Variants in IL31RA observed in about 807,000 individuals in gnomAD.
The protein encoded by IL31RA is interleukin-31 receptor subunit alpha.
In IL31RA, 66 loss-of-function variants were observed where a neutral mutation model predicts 83.7. The observed-to-expected ratio is 0.79, with a 90% CI of 0.65 to 0.97. IL31RA has a LOEUF of 0.97. Ranked by LOEUF, IL31RA falls within the 50% of genes least tolerant of loss-of-function variation. The probability of loss-of-function intolerance (pLI) is 0.00; values close to 1 mark genes in which losing one functional copy is unlikely to be tolerated. For synonymous variants in IL31RA, 325 were observed against 329.0 expected (o/e 0.99, Z 0.13); for missense variants, 798 against 919.4 (o/e 0.87, Z 1.71).
At position 55,916,913 on chromosome 5, in the gene IL31RA, G is replaced by A. The variant is rs760125178; in HGVS notation, c.2088G>A (p.Pro696=). 6.8e-6 allele frequency: 11 copies of A among 1,613,934 alleles called. No individual in the cohort carries two copies. The highest frequency in any genetic ancestry group is 2.2e-5 in the South Asian group (2 of 91,084). ...AGCTCCCAGTTTCACCTGAGATTCC[G>A]CCCAGAAAATCCCAATACCTACGTT... ...FEELPVSPEI[P]PRKSQYLRSR... The change falls in exon 15 of 15, where the codon CCG becomes CCA. Residue 696 remains proline (P), a synonymous_variant. Transcript: ENST00000652347.
the IL31RA span, among the ~76,000 whole-genome samples, chr5:55,845,304 A>C: frequency 1.3e-5 from 2 of 152,156 alleles, no homozygotes; most frequent in Admixed American, 1.3e-4. Flanking sequence ...TCTTTTAGTG[A>C]GCCTGTGCCT....
rs140524514 is a variant in IL31RA, at chr5:55,908,346, G to A, written c.1436G>A (p.Ser479Asn). 1.6e-4 allele frequency: 252 copies of A among 1,614,184 alleles called. No homozygotes were observed. The East Asian group carries it at 3.0e-3, about 19-fold the overall frequency. ...VTITWKEIPK[S>N]ERKGIICNYT... ...ATCACATGGAAAGAGATTCCCAAGA[G>A]TGAGAGAAAGGGTATCATCTGCAAC... The change falls in exon 11 of 15, where the codon AGT becomes AAT. Residue 479 changes from serine to asparagine, a missense_variant. Transcript: ENST00000652347.
At chr5:55,913,282 G>A (rs911547658) in intron 12 of IL31RA, among the ~76,000 whole-genome samples, 195 bp from the exon 13 acceptor site, 2 of 152,054 alleles carry the variant, frequency 1.3e-5, no homozygotes, top group African/African-American at 4.8e-5. Context: ...AGTAGAGACG[G>A]GGTTTCACTA....
chr5:55,901,388 T>A (rs1013157022), intron 8 of IL31RA, among the ~76,000 whole-genome samples: 1 of 151,750 alleles, frequency 6.6e-6, no homozygotes, highest in South Asian at 2.1e-4. Context: ...GGCTTTGGAG[T>A]CCAGCAGCCC....
chr5:55,914,602 G>A (rs977696897), intron 13 of IL31RA, among the ~76,000 whole-genome samples: 4 of 152,316 alleles, frequency 2.6e-5, no homozygotes, highest in African/African-American at 9.6e-5. Flanking sequence ...ATGGGAGAGA[G>A]GGGAAGATAG....
At chr5:55,875,910 C>G (rs995549253) in intron 4 of IL31RA, among the ~76,000 whole-genome samples, 2 of 152,036 alleles carry the variant, frequency 1.3e-5, no homozygotes, top group Non-Finnish European at 1.5e-5. Context: ...TAATATGTTT[C>G]TAGGACCTGG....
At chr5:55,861,543 A>C (rs1240889514) in intron 2 of IL31RA, among the ~76,000 whole-genome samples, 1 of 152,122 alleles carries the variant, frequency 6.6e-6, no homozygotes, top group Non-Finnish European at 1.5e-5. Flanking sequence ...AACCATCCGT[A>C]CCCCAGGTCC....
the IL31RA span, among the ~76,000 whole-genome samples, chr5:55,840,418 T>C: frequency 6.6e-6 from 1 of 152,310 alleles, no homozygotes; most frequent in Non-Finnish European, 1.5e-5. Flanking sequence ...GCTGCTAAGA[T>C]GAGGTTAGTA....
the IL31RA span, among the ~76,000 whole-genome samples, chr5:55,843,136 G>A: frequency 6.6e-6 from 1 of 152,186 alleles, no homozygotes; most frequent in Non-Finnish European, 1.5e-5. Context: ...GGTCGATGCA[G>A]TTAGGATTTC....
chr5:55,910,449 C>T (rs1368355988), intron 11 of IL31RA, 83 bp from the exon 12 acceptor site: 4 of 1,493,088 alleles, frequency 2.7e-6, no homozygotes, highest in East Asian at 4.5e-5. Context: ...GCACAGGTTC[C>T]AATGCTCTTA....
At chr5:55,871,501 T>C (rs1746504294) in intron 3 of IL31RA, among the ~76,000 whole-genome samples, 2 of 152,030 alleles carry the variant, frequency 1.3e-5, no homozygotes, top group South Asian at 4.2e-4. Context: ...TGTGTATTTG[T>C]TTTCATTAAG....
chr5:55,900,050 C>A lies in IL31RA; in HGVS notation c.987C>A (p.Ser329Arg), dbSNP rs200380685. 1.2e-5 allele frequency: 20 copies of A among 1,614,114 alleles called. No individual in the cohort carries two copies. The highest frequency in any genetic ancestry group is 2.5e-6 in the Non-Finnish European group (3 of 1,179,982). The change falls in exon 8 of 15, where the codon AGC becomes AGA. Residue 329 changes from serine (S) to arginine (R), a missense_variant. Ser to Arg is a moderately radical substitution (Grantham distance 110). Coordinates refer to ENST00000652347, the MANE Select transcript of IL31RA (RefSeq NM_139017.7). Reference protein sequence around the residue: ...QQLELHLGGESFWVSMISYNS... With the variant: ...QQLELHLGGERFWVSMISYNS... ...TTGAACTGCATCTGGGAGGCGAGAG[C>A]TTTTGGGTGTCTATGATTTCTTATA...
intron 1 of IL31RA, among the ~76,000 whole-genome samples, chr5:55,858,944 T>C (rs1745505505): frequency 6.6e-6 from 1 of 152,146 alleles, no homozygotes; most frequent in African/African-American, 2.4e-5. Context: ...GCAGATGCTG[T>C]AGGACACATG....
At chr5:55,850,323 G>A (rs1745021960), upstream of IL31RA, among the ~76,000 whole-genome samples, 1 of 151,956 alleles carries the variant, frequency 6.6e-6, no homozygotes, top group African/African-American at 2.4e-5. Flanking sequence ...CCATTCCTCT[G>A]TTCTGTGCTT....
In IL31RA at chr5:55,899,966, G is replaced by A. The variant is rs1445226614; in HGVS notation, c.903G>A (p.Trp301Ter). 7 of 1,614,176 alleles carry A rather than the reference G, an allele frequency of 4.3e-6. No homozygotes were observed. Among genetic ancestry groups the A allele is most frequent in the South Asian group, 3.3e-5 (3 of 91,080 alleles). ...AGAAAACACTTGGCTACAACATATG[G>A]TACTATCCAGAAAGCAACACTAACC... ...VLEKTLGYNI[W>*]YYPESNTNLT... Residue 301 changes from tryptophan to a stop codon, truncating the protein, a stop_gained, in exon 8 of 15, where the codon TGG becomes TGA. Transcript: ENST00000652347. LOFTEE classifies it high-confidence loss of function.
chr5:55,858,511 A>G (rs773439280), intron 1 of IL31RA, among the ~76,000 whole-genome samples: 3 of 152,230 alleles, frequency 2.0e-5, no homozygotes, highest in East Asian at 1.9e-4. Context: ...GGCAGTTCCA[A>G]TTCGCTAAGG....
chr5:55,842,832 AT>A, the IL31RA span, among the ~76,000 whole-genome samples: 1 of 152,114 alleles, frequency 6.6e-6, no homozygotes, highest in South Asian at 2.1e-4. Context: ...CATGGATTGA[AT>A]TTCTTCCCTT....
At chr5:55,887,834 G>A (rs10805486) in intron 5 of IL31RA, among the ~76,000 whole-genome samples, 68,979 of 151,096 alleles carry the variant, frequency 0.46, 16,085 homozygotes, top group South Asian at 0.54. Flanking sequence ...GCAGTGAGCC[G>A]AGATCGCCAC....
chr5:55,915,074 A>G, intron 14 of IL31RA, 146 bp downstream of exon 14: 1 of 713,220 alleles, frequency 1.4e-6, no homozygotes. Flanking sequence ...AATGGCAGGC[A>G]GGGCAGATGG....
Sources: allele counts gnomAD v4.1 joint callset (sites outside exome capture counted in the v4.1 genomes callset), GRCh38; gene constraint gnomAD v4.1.1; transcripts MANE v1.5; gene names NCBI Gene and HGNC (gene_info 2026-07-23, HGNC 2026-07-21).